Variants in MKRN2 observed in about 807,000 individuals in gnomAD.
MKRN2 encodes makorin ring finger protein 2.
Under a neutral mutation model 45.4 loss-of-function variants are expected in MKRN2, and 32 were observed. The observed-to-expected ratio is 0.70, with a 90% CI of 0.53 to 0.95. The LOEUF (loss-of-function observed/expected upper bound fraction) is 0.95. Among genes scored for constraint, MKRN2 ranks in the 40% least tolerant of loss-of-function variants. MKRN2 has a pLI of 0.00. For synonymous variants in MKRN2, 206 were observed against 192.4 expected, an observed-to-expected ratio of 1.07 and a Z score of -0.59; for missense variants, 526 against 536.7, an observed-to-expected ratio of 0.98 and a Z score of 0.20.
At chr3:12,558,697 A>G (rs2442800) in intron 1 of MKRN2, among the ~76,000 whole-genome samples, 21,873 of 152,224 alleles carry the variant, frequency 0.14, 1,944 homozygotes, top group Non-Finnish European at 0.21. Flanking sequence ...TTTTCCTTGT[A>G]TACCTGGAGA....
chr3:12,563,742 C>A (rs1204899790), intron 1 of MKRN2, among the ~76,000 whole-genome samples: 2 of 124,620 alleles, frequency 1.6e-5, no homozygotes, highest in African/African-American at 6.0e-5. Context: ...CCTGCCTCGG[C>A]CTCCCAAAGT....
Position 12,572,114 on chromosome 3 carries a change from G to A in MKRN2, c.383G>A (p.Ser128Asn), listed in dbSNP as rs755737365. ...AERKTQPSMVSNPGSCSDPQP... is the reference protein window; with the variant it reads ...AERKTQPSMVNNPGSCSDPQP... Reference sequence around the variant, plus strand: ...AGGAAGACCCAGCCGAGCATGGTGAGTAATCCAGGCAGCTGCAGCGACCCC... The same window carrying A: ...AGGAAGACCCAGCCGAGCATGGTGAATAATCCAGGCAGCTGCAGCGACCCC... Residue 128 changes from serine (S) to asparagine (N), a missense_variant, in exon 4 of 8, where the codon AGT becomes AAT. Physicochemically the swap from Ser to Asn is conservative, Grantham distance 46. Transcript: ENST00000170447. 1 of 1,613,748 alleles carries A rather than the reference G, an allele frequency of 6.2e-7. No individual in the cohort carries two copies. The highest frequency in any genetic ancestry group is 8.5e-7 in the Non-Finnish European group (1 of 1,179,832).
At chr3:12,573,921 C>T (rs2058115562) in intron 4 of MKRN2, among the ~76,000 whole-genome samples, 1 of 151,696 alleles carries the variant, frequency 6.6e-6, no homozygotes, top group African/African-American at 2.4e-5. Context: ...TTTTATTTTT[C>T]AGAGGTGAGG....
At chr3:12,564,538 G>C (rs970008284) in intron 1 of MKRN2, among the ~76,000 whole-genome samples, 1 of 152,106 alleles carries the variant, frequency 6.6e-6, no homozygotes, top group Admixed American at 6.5e-5. Context: ...GGTAAGTATT[G>C]CATCTGGTTA....
At position 12,582,103 on chromosome 3, in the gene MKRN2, G is replaced by A; in HGVS notation, c.1114-13G>A. ...TAGCAGTAACCAGGCATGTCCACTG[G>A]CTGTTTTTGCAGTTCTTTAATTCAG... On this transcript the variant is annotated splice_polypyrimidine_tract_variant and intron_variant, in intron 7 of 7. Transcript: ENST00000170447. The A allele has an allele frequency of 6.2e-7, 1 of 1,614,152 alleles. No individual in the cohort carries two copies. The highest frequency in any genetic ancestry group is 1.1e-5 in the South Asian group (1 of 91,082).
chr3:12,578,867 T>TC (rs1254098834), intron 6 of MKRN2, among the ~76,000 whole-genome samples: 1 of 107,886 alleles, frequency 9.3e-6, no homozygotes, highest in Admixed American at 8.2e-5. Context: ...GATTTTTTTT[T>TC]TTTTTTTTTT....
At chr3:12,559,707 A>G (rs919559763) in intron 1 of MKRN2, among the ~76,000 whole-genome samples, 2 of 152,134 alleles carry the variant, frequency 1.3e-5, no homozygotes, top group Admixed American at 1.3e-4. Flanking sequence ...ATTCCTTGAC[A>G]TGCCGCTCTA....
chr3:12,564,030 C>G (rs1332177182), intron 1 of MKRN2, among the ~76,000 whole-genome samples: 2 of 151,840 alleles, frequency 1.3e-5, no homozygotes. Flanking sequence ...ACTGCAACCT[C>G]TCCCTCCCAG....
At chr3:12,563,885 G>T (rs1437116830) in intron 1 of MKRN2, among the ~76,000 whole-genome samples, 2 of 150,366 alleles carry the variant, frequency 1.3e-5, no homozygotes, top group Non-Finnish European at 3.0e-5. Context: ...CCACCTTTTG[G>T]CTATTGTGAA....
chr3:12,562,178 A>AC (rs1318265973), intron 1 of MKRN2, among the ~76,000 whole-genome samples: 1 of 152,266 alleles, frequency 6.6e-6, no homozygotes, highest in East Asian at 1.9e-4. Flanking sequence ...TCACATAGGC[A>AC]CCCTCTGCCT....
At chr3:12,577,060 G>A (rs1242320272) in intron 6 of MKRN2, 2 of 165,560 alleles carry the variant, frequency 1.2e-5, no homozygotes, top group Admixed American at 6.5e-5. Context: ...AGCCTCTTGA[G>A]TAGCTGGGGC....
At position 12,582,208 on chromosome 3, in the gene MKRN2, G is replaced by T. The variant is rs757330436; in HGVS notation, c.1206G>T (p.Gly402=). ...NNEDVDMTEL[G]DLFMHLSGVE... ...AAGATGTCGACATGACAGAGCTCGG[G>T]GACCTCTTCATGCACCTTTCTGGAG... Residue 402 remains glycine, a synonymous_variant, in exon 8 of 8, where the codon GGG becomes GGT. Coordinates refer to ENST00000170447, the MANE Select transcript of MKRN2 (RefSeq NM_014160.5). 18 of 1,614,084 alleles carry T rather than the reference G, an allele frequency of 1.1e-5. No homozygotes were observed. The highest frequency in any genetic ancestry group is 1.4e-5 in the Non-Finnish European group (17 of 1,180,028).
chr3:12,559,944 C>G (rs1052349338), intron 1 of MKRN2, among the ~76,000 whole-genome samples: 10 of 152,088 alleles, frequency 6.6e-5, no homozygotes, highest in African/African-American at 2.4e-4. Context: ...GCTTTTGATT[C>G]TTTGAAAGTC....
chr3:12,572,192 G>A lies in MKRN2; in HGVS notation c.461G>A (p.Gly154Asp), dbSNP rs766674716. The A allele has an allele frequency of 1.2e-6, 2 of 1,613,964 alleles. No individual in the cohort carries two copies. Among genetic ancestry groups the A allele is most frequent in the East Asian group, 4.5e-5 (2 of 44,882 alleles). ...TCCTACCTGGATGCCATCAGGAGTG[G>A]CCTTGATGACGTGGAGGCCAGCAGC... ...PHSYLDAIRS[G>D]LDDVEASSSY... Residue 154 changes from glycine to aspartate, a missense_variant, in exon 4 of 8, where the codon GGC (glycine) becomes GAC (aspartate). Transcript: ENST00000170447.
Position 12,572,343 on chromosome 3 carries a change from C to A in MKRN2, c.612C>A (p.Phe204Leu), listed in dbSNP as rs138757842. The A allele has an allele frequency of 1.9e-6, 3 of 1,588,496 alleles. No individual in the cohort carries two copies. The highest frequency in any genetic ancestry group is 1.8e-5 in the Admixed American group (1 of 56,976). The change falls in exon 4 of 8, where the codon TTC (phenylalanine) becomes TTA (leucine). Residue 204 changes from phenylalanine to leucine, a missense_variant. Phe to Leu is a conservative substitution (Grantham distance 22). Coordinates refer to ENST00000170447, the MANE Select transcript of MKRN2 (RefSeq NM_014160.5). The part of the protein sequence containing the change: ...EICRLQVLHP[F>L]DPEQRKAHEK... ...GTAGGCTGCAAGTCTTGCACCCATTCGACCCAGAGCAGAGGAAGGCTCATG... is the reference window on the plus strand; with the variant it reads ...GTAGGCTGCAAGTCTTGCACCCATTAGACCCAGAGCAGAGGAAGGCTCATG...
At chr3:12,571,550 G>A (rs1488386601) in intron 3 of MKRN2, among the ~76,000 whole-genome samples, 1 of 152,226 alleles carries the variant, frequency 6.6e-6, no homozygotes, top group Non-Finnish European at 1.5e-5. Flanking sequence ...CAAGCTCGGA[G>A]GTGTGCAGTG....
chr3:12,582,384 T>G lies in MKRN2; in HGVS notation c.*131T>G. On this transcript the variant is annotated 3_prime_UTR_variant, in exon 8 of 8. Transcript: ENST00000170447. ...ATTTGAGTGGAGTTGGGCTTAGCCT[T>G]AGTCTCATTCAATCTCCATTATTAC... 1 of 1,150,270 alleles carries G rather than the reference T, an allele frequency of 8.7e-7. No homozygotes were observed. The highest frequency in any genetic ancestry group is 1.2e-6 in the Non-Finnish European group (1 of 800,882). The allele number at this position is 1,150,270 out of a possible 1,614,324, so 71.3% of individuals were successfully genotyped here.
At position 12,582,334 on chromosome 3, in the gene MKRN2, G is replaced by A; in HGVS notation, c.*81G>A. On this transcript the variant is annotated 3_prime_UTR_variant, in exon 8 of 8. Coordinates refer to ENST00000170447, the MANE Select transcript of MKRN2 (RefSeq NM_014160.5). ...AGGGTGTGCGGAGCTTCCCTGTACT[G>A]CAGCCAAGGTGACGTGTGACTTGGA... 1.3e-6 allele frequency: 2 copies of A among 1,559,142 alleles called. No homozygotes were observed. Among genetic ancestry groups the A allele is most frequent in the South Asian group, 2.3e-5 (2 of 87,912 alleles).
At position 12,570,378 on chromosome 3, in the gene MKRN2, G is replaced by C. The variant is rs529688601; in HGVS notation, c.337+126G>C. ...TAATACACCTCCAGATTGTCTGCGC[G>C]GAGAGACTTCAGAACTGTTCTGAAG... On this transcript the variant is annotated intron_variant, in intron 3 of 7. Coordinates refer to ENST00000170447, the MANE Select transcript of MKRN2 (RefSeq NM_014160.5). 10 of 965,256 alleles carry C rather than the reference G, an allele frequency of 1.0e-5. No individual in the cohort carries two copies. The African/African-American group carries it at 1.5e-4, about 14-fold the overall frequency. 59.8% of individuals were successfully genotyped at this position (965,256 alleles called of 1,614,324 possible). A position where few individuals can be genotyped will look rare whatever the true frequency, so the allele number is the denominator to read the frequency against.
Sources: allele counts gnomAD v4.1 joint callset (sites outside exome capture counted in the v4.1 genomes callset), GRCh38; gene constraint gnomAD v4.1.1; transcripts MANE v1.5; gene names NCBI Gene and HGNC (gene_info 2026-07-23, HGNC 2026-07-21).